KLHL1: variants seen among roughly 807,000 people sequenced by gnomAD.
KLHL1 encodes the protein kelch like family member 1, also known as kelch-like protein 1.
KLHL1 carries 47 observed loss-of-function variants against 77.7 expected under a neutral mutation model. That is an observed-to-expected ratio of 0.60 (90% CI 0.48 to 0.77). KLHL1 has a LOEUF of 0.77. Ranked by LOEUF, KLHL1 falls within the 30% of genes least tolerant of loss-of-function variation. The probability of loss-of-function intolerance (pLI) is 0.00; values close to 1 mark genes in which losing one functional copy is unlikely to be tolerated. For missense variants in KLHL1, 925 were observed against 910.8 expected, an observed-to-expected ratio of 1.02 and a Z score of -0.20; for synonymous variants, 360 against 325.2, an observed-to-expected ratio of 1.11 and a Z score of -1.15.
intron 1 of KLHL1, among the ~76,000 whole-genome samples, chr13:69,997,769 G>A (rs1433635688): frequency 6.8e-6 from 1 of 147,014 alleles, no homozygotes; most frequent in Non-Finnish European, 1.5e-5. Context: ...ATATATAAAT[G>A]TATAATATAA....
At chr13:70,104,717 G>A (rs1350479197) in intron 1 of KLHL1, among the ~76,000 whole-genome samples, 1 of 151,986 alleles carries the variant, frequency 6.6e-6, no homozygotes, top group Non-Finnish European at 1.5e-5. Flanking sequence ...GATAAAAATT[G>A]TCATACAGCA....
At chr13:70,065,766 C>T (rs1566545941) in intron 1 of KLHL1, among the ~76,000 whole-genome samples, 2 of 151,948 alleles carry the variant, frequency 1.3e-5, no homozygotes, top group Non-Finnish European at 2.9e-5. Context: ...AAAACAGTGC[C>T]TTTGTTCAAT....
intron 6 of KLHL1, among the ~76,000 whole-genome samples, chr13:69,810,947 A>C (rs1877852742): frequency 6.6e-6 from 1 of 152,256 alleles, no homozygotes; most frequent in South Asian, 2.1e-4. Context: ...TCCAGAACAG[A>C]CTAATAAGTA....
At chr13:69,960,152 T>A (rs2137268632) in intron 3 of KLHL1, among the ~76,000 whole-genome samples, 1 of 150,052 alleles carries the variant, frequency 6.7e-6, no homozygotes, top group East Asian at 2.0e-4. Flanking sequence ...TTACTGAGTG[T>A]TATCTTAGTG....
intron 1 of KLHL1, among the ~76,000 whole-genome samples, chr13:70,045,914 C>T (rs939230515): frequency 5.3e-5 from 8 of 152,138 alleles, no homozygotes; most frequent in African/African-American, 1.9e-4. Context: ...AAACCCTATG[C>T]CTGAAAATTG....
intron 2 of KLHL1, among the ~76,000 whole-genome samples, chr13:69,968,970 A>G (rs1336552183): frequency 1.3e-5 from 2 of 152,198 alleles, no homozygotes; most frequent in Non-Finnish European, 2.9e-5. Context: ...TAAAATTTGA[A>G]TGCACGTTTT....
chr13:70,001,167 G>A (rs1439023430), intron 1 of KLHL1, among the ~76,000 whole-genome samples: 1 of 150,942 alleles, frequency 6.6e-6, no homozygotes, highest in Non-Finnish European at 1.5e-5. Context: ...AAATTTCAAT[G>A]TTTGCTGAAA....
chr13:69,941,943 C>G (rs763458918), intron 3 of KLHL1, among the ~76,000 whole-genome samples: 10 of 151,816 alleles, frequency 6.6e-5, no homozygotes, highest in Middle Eastern at 3.4e-3. Flanking sequence ...CAATCAAGTA[C>G]TTAGATTGAA....
intron 4 of KLHL1, among the ~76,000 whole-genome samples, chr13:69,883,915 G>A (rs1369753320): frequency 6.6e-6 from 1 of 152,146 alleles, no homozygotes; most frequent in Non-Finnish European, 1.5e-5. Flanking sequence ...ACATAGCAAA[G>A]GCTTCTCAGG....
intron 4 of KLHL1, among the ~76,000 whole-genome samples, chr13:69,922,175 G>C (rs567530695): frequency 6.6e-6 from 1 of 151,868 alleles, no homozygotes; most frequent in Non-Finnish European, 1.5e-5. Context: ...TCTAACTCCT[G>C]GTCTCAAGGG....
intron 4 of KLHL1, among the ~76,000 whole-genome samples, chr13:69,904,430 T>C (rs1383946460): frequency 1.3e-5 from 2 of 152,182 alleles, no homozygotes; most frequent in Non-Finnish European, 2.9e-5. Context: ...TCATTTCTCC[T>C]GTCAAAGCAA....
At chr13:69,976,275 C>T (rs922930221) in intron 1 of KLHL1, among the ~76,000 whole-genome samples, 1 of 151,686 alleles carries the variant, frequency 6.6e-6, no homozygotes, top group African/African-American at 2.4e-5. Flanking sequence ...AATATAAAAC[C>T]TGGTTTTCAA....
chr13:69,834,255 C>T lies in KLHL1; in HGVS notation c.1414+4721G>A, dbSNP rs187975759. 4.0e-5 allele frequency among the ~76,000 whole-genome samples: 6 copies of T among 151,554 alleles called. No individual in the cohort carries two copies. In the East Asian group the frequency reaches 1.2e-3, roughly 29 times the overall value. On this transcript the variant is annotated intron_variant, in intron 6 of 10. Transcript: ENST00000377844. The stretch of plus-strand genomic sequence containing the variant: ...CCTATTGAAATTAAATAAATAAGTA[C>T]ATAAATTGGGGGGAGAAAAAATGAA...
intron 6 of KLHL1, among the ~76,000 whole-genome samples, chr13:69,833,770 T>TATAC (rs1566304585): frequency 2.8e-5 from 4 of 140,740 alleles, no homozygotes; most frequent in African/African-American, 1.2e-4. Flanking sequence ...TATATATACA[T>TATAC]ACATACATAC....
At chr13:69,929,966 G>A (rs1882947992) in intron 4 of KLHL1, among the ~76,000 whole-genome samples, 1 of 151,786 alleles carries the variant, frequency 6.6e-6, no homozygotes, top group Non-Finnish European at 1.5e-5. Context: ...GTTGGCTGGT[G>A]TTATCCTGCT....
intron 1 of KLHL1, among the ~76,000 whole-genome samples, chr13:70,038,782 G>A (rs1217236804): frequency 6.6e-6 from 1 of 151,570 alleles, no homozygotes; most frequent in African/African-American, 2.4e-5. Flanking sequence ...GTAGAGACAG[G>A]GTTTCACCAC....
intron 1 of KLHL1, among the ~76,000 whole-genome samples, chr13:69,990,201 C>T (rs11839323): frequency 0.16 from 23,722 of 151,860 alleles, 3,932 homozygotes; most frequent in African/African-American, 0.42. Context: ...AAGACCATTA[C>T]CAGCCACTAT....
chr13:70,088,460 A>G (rs1008253346), intron 1 of KLHL1, among the ~76,000 whole-genome samples: 2 of 152,204 alleles, frequency 1.3e-5, no homozygotes, highest in Non-Finnish European at 2.9e-5. Flanking sequence ...ATGGAGGGTC[A>G]CTTGAGGTCA....
At chr13:70,033,354 C>T (rs542002176) in intron 1 of KLHL1, among the ~76,000 whole-genome samples, 1 of 151,834 alleles carries the variant, frequency 6.6e-6, no homozygotes, top group Non-Finnish European at 1.5e-5. Flanking sequence ...CAGTGGCGCG[C>T]TCTCGGCTCA....
Sources: gnomAD v4.1 joint callset for allele counts (sites outside exome capture counted in the v4.1 genomes callset) on GRCh38, gnomAD v4.1.1 for gene constraint, MANE v1.5 for transcripts, NCBI Gene and HGNC (gene_info 2026-07-23, HGNC 2026-07-21) for gene names.